Variants in PHC2 observed in about 807,000 individuals in gnomAD.
PHC2 encodes polyhomeotic-like protein 2.
PHC2 carries 29 observed loss-of-function variants against 87.4 expected under a neutral mutation model. The observed-to-expected ratio is 0.33, with a 90% confidence interval of 0.25 to 0.45. PHC2 has a LOEUF of 0.45. Ranked by LOEUF, PHC2 falls within the 20% of genes least tolerant of loss-of-function variation. The pLI is 1.00. For missense variants in PHC2, 857 were observed against 1,136.7 expected (o/e 0.75, Z 3.54); for synonymous variants, 438 against 461.7 (o/e 0.95, Z 0.66).
In PHC2 at chr1:33,334,104, C is replaced by A. The variant is rs1646570460; in HGVS notation, c.1747G>T (p.Ala583Ser). The A allele has an allele frequency of 6.2e-7, 1 of 1,610,218 alleles. No homozygotes were observed. The highest frequency in any genetic ancestry group is 8.5e-7 in the Non-Finnish European group (1 of 1,178,560). Residue 583 changes from alanine (A) to serine (S), a missense_variant, in exon 10 of 15, where the codon GCG becomes TCG. Physicochemically the swap from Ala to Ser is moderately conservative, Grantham distance 99. Around this residue, in one of 3 missense-constraint regions of PHC2, gnomAD observed 832 missense variants for 1,081.8 expected, o/e 0.77. Transcript: ENST00000683057. The surrounding 1 kb of genome is among the most constrained non-coding windows in gnomAD (Gnocchi z 5.5). ...VIEGFVIQEG[A>S]EPFPVGRSSL... is the part of the protein sequence containing the mutation. Reference sequence around the variant, plus strand: ...GTAGTCCGTACCGGGAAAGGCTCCGCCCCCTCCTGGATCACAAACCCTTCG... The same window carrying A: ...GTAGTCCGTACCGGGAAAGGCTCCGACCCCTCCTGGATCACAAACCCTTCG...
chr1:33,412,551 T>C (rs1650026612), intron 1 of PHC2, among the ~76,000 whole-genome samples: 1 of 152,216 alleles, frequency 6.6e-6, no homozygotes, highest in Non-Finnish European at 1.5e-5. Flanking sequence ...GCATGATCAC[T>C]GATTGCCCTA....
chr1:33,399,587 G>T (rs916140437), intron 1 of PHC2, among the ~76,000 whole-genome samples: 2 of 152,172 alleles, frequency 1.3e-5, no homozygotes, highest in African/African-American at 4.8e-5. Context: ...ATGTTTTCTT[G>T]TTTTCCAGGC....
chr1:33,407,312 G>A (rs1360975476), intron 1 of PHC2, among the ~76,000 whole-genome samples: 1 of 152,106 alleles, frequency 6.6e-6, no homozygotes, highest in Non-Finnish European at 1.5e-5. Context: ...CTGTGAAAGT[G>A]TTATCTTTGA....
chr1:33,333,327 G>A (rs4653051), intron 10 of PHC2: 46,976 of 152,052 alleles, frequency 0.31, 7,950 homozygotes, highest in African/African-American at 0.46. Context: ...CAAAGAATGA[G>A]GAAAAGGCAG....
At chr1:33,373,169 G>A (rs1293588552) in intron 2 of PHC2, among the ~76,000 whole-genome samples, 2 of 152,142 alleles carry the variant, frequency 1.3e-5, no homozygotes, top group Non-Finnish European at 2.9e-5. Context: ...CCAGGCTGGA[G>A]TGCAATGGCG....
At position 33,324,812 on chromosome 1, in the gene PHC2, T is replaced by C; in HGVS notation, c.*53A>G. 3.9e-6 allele frequency: 6 copies of C among 1,558,006 alleles called. No individual in the cohort carries two copies. The highest frequency in any genetic ancestry group is 1.4e-5 in the African/African-American group (1 of 73,768). ...GGCCCCTCAGGAATGTCTGTCTGGC[T>C]CTGCTCAGTCGGGAGGAGGCGCCCT... On this transcript the variant is annotated 3_prime_UTR_variant, in exon 15 of 15. Transcript: ENST00000683057.
chr1:33,375,720 C>G, intron 1 of PHC2, 127 bp from the exon 2 acceptor site: 1 of 565,720 alleles, frequency 1.8e-6, no homozygotes, highest in Non-Finnish European at 3.0e-6. Context: ...CAAAAATATT[C>G]AAAAAATACG....
At chr1:33,412,244 A>C (rs567423878) in intron 1 of PHC2, among the ~76,000 whole-genome samples, 1 of 152,360 alleles carries the variant, frequency 6.6e-6, no homozygotes, top group African/African-American at 2.4e-5. Flanking sequence ...CACAAGATAC[A>C]TTAACACAGA....
chr1:33,346,981 G>C (rs1646856332), intron 9 of PHC2: 1 of 985,348 alleles, frequency 1.0e-6, no homozygotes, highest in Non-Finnish European at 1.2e-6. Flanking sequence ...GAGGTAAGAA[G>C]AGTTCAATTG....
chr1:33,352,653 T>C (rs1490562109), intron 9 of PHC2, among the ~76,000 whole-genome samples: 2 of 152,174 alleles, frequency 1.3e-5, no homozygotes, highest in African/African-American at 4.8e-5. Flanking sequence ...ATGACAGCAG[T>C]TCCAGGTAAG....
intron 14 of PHC2, 97 bp from the exon 15 acceptor site, chr1:33,325,116 C>T (rs1389440291): frequency 1.7e-5 from 20 of 1,203,078 alleles, no homozygotes; most frequent in Non-Finnish European, 2.1e-5. Flanking sequence ...TTATCTGCAT[C>T]CATTATTTCT....
At position 33,364,380 on chromosome 1, in the gene PHC2, ACACTTGCTTT is replaced by A. The variant is rs1371927532; in HGVS notation, c.976+2726_976+2735del. 8.6e-5 allele frequency among the ~76,000 whole-genome samples: 12 copies of A among 140,342 alleles called. No homozygotes were observed. Among genetic ancestry groups the A allele is most frequent in the Non-Finnish European group, 1.8e-4 (12 of 66,264 alleles). 92.1% of individuals were successfully genotyped at this position (140,342 alleles called of 152,430 possible). A position where few individuals can be genotyped will look rare whatever the true frequency, so the allele number is the denominator to read the frequency against. ...CCCAGACACACACACACACACACAC[ACACTTGCTTT>A]CACACACACACACACACACACACAC... On this transcript the variant is annotated intron_variant, in intron 7 of 14. Coordinates refer to ENST00000683057, the MANE Select transcript of PHC2 (RefSeq NM_001385109.1). This position sits in a 1 kb window ranked among gnomAD's most constrained non-coding sequence, Gnocchi z 4.1.
intron 13 of PHC2, among the ~76,000 whole-genome samples, chr1:33,329,453 G>A (rs1027303279): frequency 7.9e-5 from 12 of 151,760 alleles, no homozygotes; most frequent in African/African-American, 2.9e-4. Flanking sequence ...TCTTCTGTAC[G>A]TACACAGCTT....
Position 33,384,371 on chromosome 1 carries a change from A to C in PHC2, c.-54-8778T>G, listed in dbSNP as rs113391644. Among the ~76,000 whole-genome samples the C allele has an allele frequency of 4.7e-3, 722 of 152,340 alleles. 2 individuals carry two copies. The highest frequency in any genetic ancestry group is 8.0e-3 in the Non-Finnish European group (544 of 68,024). The stretch of plus-strand genomic sequence containing the variant: ...ATGAGATTTAAAAGGGGCAGTCATC[A>C]TTGATGCCATAAGATGGTCATAATG... On this transcript the variant is annotated intron_variant, in intron 1 of 14. Coordinates refer to ENST00000683057, the MANE Select transcript of PHC2 (RefSeq NM_001385109.1).
chr1:33,428,319 T>C (rs184186874), intron 1 of PHC2, among the ~76,000 whole-genome samples: 3 of 152,332 alleles, frequency 2.0e-5, no homozygotes, highest in East Asian at 1.9e-4. Flanking sequence ...ACTGAGAAGA[T>C]TGCTTAAATA....
intron 9 of PHC2, among the ~76,000 whole-genome samples, chr1:33,338,615 C>T (rs796886301): frequency 3.2e-4 from 49 of 152,350 alleles, no homozygotes; most frequent in African/African-American, 1.2e-3. Context: ...TGCTTTGCGG[C>T]CTTTGGGGAA....
At chr1:33,419,906 G>T (rs1650365473) in intron 1 of PHC2, among the ~76,000 whole-genome samples, 1 of 150,900 alleles carries the variant, frequency 6.6e-6, no homozygotes, top group Non-Finnish European at 1.5e-5. Flanking sequence ...ACCGCGCCCG[G>T]CCACCTCTCT....
chr1:33,371,490 G>A (rs1311894200), intron 3 of PHC2, among the ~76,000 whole-genome samples: 4 of 150,424 alleles, frequency 2.7e-5, no homozygotes, highest in East Asian at 1.9e-4. Flanking sequence ...CCTGGCCACC[G>A]CCATCACACC....
chr1:33,375,243 A>T, intron 2 of PHC2, 123 bp downstream of exon 2: 1 of 758,980 alleles, frequency 1.3e-6, no homozygotes, highest in Non-Finnish European at 2.0e-6. Context: ...CTACGAACTC[A>T]CTCCCATATG....
Sources: gnomAD v4.1 joint callset for allele counts (sites outside exome capture counted in the v4.1 genomes callset) on GRCh38, gnomAD v4.1.1 for gene constraint, gnomAD v4.1.1 regional missense constraint, Gnocchi (gnomAD v3.1) non-coding constraint, MANE v1.5 for transcripts, NCBI Gene and HGNC (gene_info 2026-07-23, HGNC 2026-07-21) for gene names.